The following CNBD1 variants were observed in gnomAD, a reference collection of about 807,000 sequenced individuals.
CNBD1 encodes the protein cyclic nucleotide-binding domain-containing protein 1.
Under a neutral mutation model 54.4 loss-of-function variants are expected in CNBD1, and 71 were observed. The ratio of observed to expected loss-of-function variants is 1.30; its 90% confidence interval spans 1.08 to 1.59. The LOEUF (loss-of-function observed/expected upper bound fraction) is 1.59. Among genes scored for constraint, CNBD1 ranks in the 40% most tolerant of loss-of-function variants. CNBD1 has a pLI of 0.00. For missense variants in CNBD1, 659 were observed against 518.0 expected, an observed-to-expected ratio of 1.27 and a Z score of -2.64; for synonymous variants, 182 against 170.7, an observed-to-expected ratio of 1.07 and a Z score of -0.51.
intron 8 of CNBD1, among the ~76,000 whole-genome samples, chr8:87,308,582 C>T (rs183287467): frequency 9.9e-5 from 15 of 152,144 alleles, no homozygotes; most frequent in Non-Finnish European, 8.8e-5. Context: ...TTTGTTATTT[C>T]TTTGTGTTAG....
intron 4 of CNBD1, among the ~76,000 whole-genome samples, chr8:86,964,957 G>A (rs1808031852): frequency 6.6e-6 from 1 of 152,158 alleles, no homozygotes; most frequent in Non-Finnish European, 1.5e-5. Context: ...TTATGGAAAA[G>A]CTTTCTTCTT....
intron 4 of CNBD1, among the ~76,000 whole-genome samples, chr8:87,173,004 T>A (rs1322725360): frequency 6.6e-6 from 1 of 152,130 alleles, no homozygotes; most frequent in African/African-American, 2.4e-5. Context: ...GTCATATGAT[T>A]TAATTTTTTG....
chr8:87,229,158 C>G (rs1563515970), intron 5 of CNBD1, among the ~76,000 whole-genome samples: 1 of 152,152 alleles, frequency 6.6e-6, no homozygotes, highest in Non-Finnish European at 1.5e-5. Flanking sequence ...CTGGCACTCC[C>G]TAGTGAGATG....
chr8:86,881,713 A>G (rs1455099962), intron 1 of CNBD1, among the ~76,000 whole-genome samples: 3 of 152,218 alleles, frequency 2.0e-5, no homozygotes, highest in African/African-American at 7.2e-5. Flanking sequence ...TAGCCAGGCA[A>G]TCTTAAGCAA....
chr8:87,208,083 A>G (rs1338858866), intron 5 of CNBD1, among the ~76,000 whole-genome samples: 1 of 152,024 alleles, frequency 6.6e-6, no homozygotes. Context: ...TATTTAAACT[A>G]TTCCTTCTAG....
At chr8:86,968,366 G>A in intron 4 of CNBD1, among the ~76,000 whole-genome samples, 1 of 152,276 alleles carries the variant, frequency 6.6e-6, no homozygotes, top group East Asian at 1.9e-4. Context: ...CCTTGCTCAA[G>A]CATGAGTGGG....
chr8:87,098,733 TA>T (rs112867940), intron 4 of CNBD1, among the ~76,000 whole-genome samples: 1,742 of 139,366 alleles, frequency 0.012, 18 homozygotes, highest in Admixed American at 0.018. Context: ...AACATAGTAA[TA>T]AAAAAAAAAA....
At chr8:87,071,894 A>T (rs1471627506) in intron 4 of CNBD1, among the ~76,000 whole-genome samples, 1 of 152,046 alleles carries the variant, frequency 6.6e-6, no homozygotes, top group Non-Finnish European at 1.5e-5. Context: ...TGATCTGTCT[A>T]ATATTGTCAG....
chr8:87,349,333 C>T lies in CNBD1; in HGVS notation c.1043-2352C>T, dbSNP rs555696581. On this transcript the variant is annotated intron_variant, in intron 8 of 10. Transcript: ENST00000518476. ...TAATTGCATGATTCTGTTTCTAGTC[C>T]AAAATAGTAATATTAATATTTAAAT... 2.0e-5 allele frequency among the ~76,000 whole-genome samples: 3 copies of T among 152,108 alleles called. No homozygotes were observed. In the South Asian group the frequency reaches 6.2e-4, roughly 32 times the overall value.
intron 4 of CNBD1, among the ~76,000 whole-genome samples, chr8:87,197,539 G>A (rs922012518): frequency 2.6e-4 from 40 of 152,142 alleles, no homozygotes; most frequent in African/African-American, 9.7e-4. Flanking sequence ...GTGGTAACAG[G>A]AGGTGAAATG....
chr8:87,072,694 T>C (rs1267372696), intron 4 of CNBD1, among the ~76,000 whole-genome samples: 1 of 152,026 alleles, frequency 6.6e-6, no homozygotes, highest in Non-Finnish European at 1.5e-5. Context: ...TCTGATGGGG[T>C]TCTATTTGTA....
At chr8:87,017,607 T>A (rs1196682501) in intron 4 of CNBD1, among the ~76,000 whole-genome samples, 1 of 152,180 alleles carries the variant, frequency 6.6e-6, no homozygotes, top group Non-Finnish European at 1.5e-5. Context: ...TAAAACTAAT[T>A]GTAAGGAGTT....
At chr8:87,384,207 C>A (rs1011864041), downstream of CNBD1, among the ~76,000 whole-genome samples, 2 of 151,976 alleles carry the variant, frequency 1.3e-5, no homozygotes, top group African/African-American at 4.8e-5. Flanking sequence ...CTAAATTTGG[C>A]TATTTTATCT....
intron 10 of CNBD1, among the ~76,000 whole-genome samples, chr8:87,371,220 TG>T (rs769386142): frequency 1.4e-4 from 22 of 152,058 alleles, no homozygotes; most frequent in Non-Finnish European, 2.6e-4. Context: ...GGCTCTTTTT[TG>T]GTTCCATATG....
At chr8:87,344,551 T>A (rs755805993) in intron 8 of CNBD1, among the ~76,000 whole-genome samples, 12 of 152,138 alleles carry the variant, frequency 7.9e-5, no homozygotes, top group Non-Finnish European at 1.6e-4. Flanking sequence ...CGAATTCATT[T>A]GAGTTTAAAT....
chr8:87,237,180 T>C, intron 6 of CNBD1, 68 bp downstream of exon 6: 1 of 913,396 alleles, frequency 1.1e-6, no homozygotes, highest in Non-Finnish European at 1.7e-6. Flanking sequence ...CTTTATCTCT[T>C]CCAGACATTA....
chr8:87,029,951 G>A (rs1486909753), intron 4 of CNBD1, among the ~76,000 whole-genome samples: 2 of 152,120 alleles, frequency 1.3e-5, no homozygotes, highest in Admixed American at 1.3e-4. Context: ...ATATAGTAAT[G>A]AAGTCACAAA....
At chr8:87,069,916 C>G (rs962105640) in intron 4 of CNBD1, among the ~76,000 whole-genome samples, 3 of 152,022 alleles carry the variant, frequency 2.0e-5, no homozygotes, top group Non-Finnish European at 4.4e-5. Flanking sequence ...GTGATACATA[C>G]ACAGCTACCC....
intron 4 of CNBD1, among the ~76,000 whole-genome samples, chr8:87,115,821 C>G (rs78348762): frequency 6.6e-6 from 1 of 152,298 alleles, no homozygotes; most frequent in East Asian, 1.9e-4. Flanking sequence ...TGGAAGCTAC[C>G]TCTTCCCAAG....
Sources: gnomAD v4.1 joint callset for allele counts (sites outside exome capture counted in the v4.1 genomes callset) on GRCh38, gnomAD v4.1.1 for gene constraint, MANE v1.5 for transcripts, NCBI Gene and HGNC (gene_info 2026-07-23, HGNC 2026-07-21) for gene names.